KCNH7: variants seen among roughly 807,000 people sequenced by gnomAD.
KCNH7 encodes the protein potassium voltage-gated channel subfamily H member 7.
In KCNH7, 49 loss-of-function variants were observed where a neutral mutation model predicts 120.8. The ratio of observed to expected loss-of-function variants is 0.41; its 90% CI spans 0.32 to 0.51. The LOEUF (loss-of-function observed/expected upper bound fraction) is 0.51, where lower values mean the gene tolerates loss of function less well. KCNH7 is among the 20% of genes least tolerant of loss of function. KCNH7 has a pLI of 0.38. For missense variants in KCNH7, 1,097 were observed against 1,446.6 expected, an observed-to-expected ratio of 0.76 and a Z score of 3.92; for synonymous variants, 547 against 516.1, an observed-to-expected ratio of 1.06 and a Z score of -0.81.
chr2:162,821,887 C>A (rs1228011914), intron 2 of KCNH7, among the ~76,000 whole-genome samples: 1 of 151,766 alleles, frequency 6.6e-6, no homozygotes, highest in Non-Finnish European at 1.5e-5. Flanking sequence ...AATTGAGGAA[C>A]TTTTACTTTC....
chr2:162,525,966 G>A (rs1691690352), intron 3 of KCNH7, among the ~76,000 whole-genome samples: 1 of 151,876 alleles, frequency 6.6e-6, no homozygotes, highest in South Asian at 2.1e-4. Context: ...GGGAAATTCA[G>A]CCAGATATCG....
chr2:162,816,257 C>CA (rs10599191), intron 2 of KCNH7, among the ~76,000 whole-genome samples: 20 of 59,996 alleles, frequency 3.3e-4, no homozygotes, highest in African/African-American at 7.9e-4. Context: ...AACTCCATCT[C>CA]AAAAAAAAAA....
intron 2 of KCNH7, among the ~76,000 whole-genome samples, chr2:162,778,590 T>C (rs1016071135): frequency 2.0e-5 from 3 of 152,166 alleles, no homozygotes; most frequent in African/African-American, 4.8e-5. Context: ...TAGATAAGCA[T>C]TGAATGTTCT....
chr2:162,486,331 C>G (rs1690093892), intron 6 of KCNH7, among the ~76,000 whole-genome samples: 1 of 152,134 alleles, frequency 6.6e-6, no homozygotes, highest in African/African-American at 2.4e-5. Context: ...TAACTACAGT[C>G]CCTCCCAGCA....
chr2:162,495,769 A>G (rs1337419818), intron 6 of KCNH7, among the ~76,000 whole-genome samples: 1 of 152,164 alleles, frequency 6.6e-6, no homozygotes, highest in East Asian at 1.9e-4. Context: ...AGCTCAGAAG[A>G]AACAAAAGGG....
chr2:162,611,551 T>C (rs918836197), intron 2 of KCNH7, among the ~76,000 whole-genome samples: 1 of 152,190 alleles, frequency 6.6e-6, no homozygotes, highest in Non-Finnish European at 1.5e-5. Context: ...GAGGGATTAA[T>C]TGAAGCAACA....
At position 162,394,397 on chromosome 2, in the gene KCNH7, CCTT is replaced by C; in HGVS notation, c.2699_2701del (p.Glu900del). 1 of 1,549,848 alleles carries C rather than the reference CCTT, an allele frequency of 6.5e-7. No individual in the cohort carries two copies. Among genetic ancestry groups the C allele is most frequent in the Admixed American group, 1.7e-5 (1 of 59,576 alleles). On this transcript the variant is annotated inframe_deletion, in exon 12 of 16. Coordinates refer to ENST00000332142, the MANE Select transcript of KCNH7 (RefSeq NM_033272.4). ...GGAATGGAATGAATTACCTTTCTCT[CCTT>C]CACTTTCAAATGACAATTTCCTTCT...
chr2:162,445,430 G>A (rs1286653800), intron 7 of KCNH7, among the ~76,000 whole-genome samples: 1 of 152,034 alleles, frequency 6.6e-6, no homozygotes, highest in African/African-American at 2.4e-5. Flanking sequence ...TTGGATCAAA[G>A]AGTCTTTTGA....
rs563812636 is a variant in KCNH7, at chr2:162,481,604, G to A, written c.1128+22839C>T. On this transcript the variant is annotated intron_variant, in intron 6 of 15. Coordinates refer to ENST00000332142, the MANE Select transcript of KCNH7 (RefSeq NM_033272.4). ...TCAGTAAAAAAACGAGAGAGCAAGTGCAGAGTATATAAAAGGAGGAGAAGA... is the reference window on the plus strand; with the variant it reads ...TCAGTAAAAAAACGAGAGAGCAAGTACAGAGTATATAAAAGGAGGAGAAGA... 2.0e-5 allele frequency among the ~76,000 whole-genome samples: 3 copies of A among 152,180 alleles called. No homozygotes were observed. The East Asian group carries it at 5.8e-4, about 29-fold the overall frequency.
chr2:162,671,580 A>C (rs1006779099), intron 2 of KCNH7, among the ~76,000 whole-genome samples: 33 of 152,192 alleles, frequency 2.2e-4, no homozygotes, highest in African/African-American at 7.2e-4. Flanking sequence ...GAGGGGACTG[A>C]GGGATGACAT....
At chr2:162,499,403 G>A (rs773044583) in intron 6 of KCNH7, among the ~76,000 whole-genome samples, 1 of 152,070 alleles carries the variant, frequency 6.6e-6, no homozygotes, top group Non-Finnish European at 1.5e-5. Flanking sequence ...CCAAGGGCTT[G>A]CCTCCCTGAG....
At chr2:162,410,995 C>T (rs963560432) in intron 9 of KCNH7, among the ~76,000 whole-genome samples, 10 of 152,032 alleles carry the variant, frequency 6.6e-5, no homozygotes, top group East Asian at 3.9e-4. Flanking sequence ...TTGTACACTG[C>T]GGGTGGAAAA....
At chr2:162,552,970 C>T (rs1162047642) in intron 2 of KCNH7, among the ~76,000 whole-genome samples, 1 of 152,172 alleles carries the variant, frequency 6.6e-6, no homozygotes, top group African/African-American at 2.4e-5. Context: ...GACTTCTGAC[C>T]TACAGTACTA....
At chr2:162,707,906 T>A (rs964138605) in intron 2 of KCNH7, among the ~76,000 whole-genome samples, 12 of 152,090 alleles carry the variant, frequency 7.9e-5, no homozygotes, top group Admixed American at 3.3e-4. Flanking sequence ...CCATGAAGTC[T>A]GCTTCCTCAT....
intron 7 of KCNH7, among the ~76,000 whole-genome samples, chr2:162,440,195 T>C (rs1688377665): frequency 6.6e-6 from 1 of 151,954 alleles, no homozygotes; most frequent in African/African-American, 2.4e-5. Context: ...AGAAATTTAC[T>C]CTCTAAAACC....
chr2:162,755,075 C>T (rs188664063), intron 2 of KCNH7, among the ~76,000 whole-genome samples: 1 of 152,208 alleles, frequency 6.6e-6, no homozygotes, highest in East Asian at 1.9e-4. Context: ...TCTAGAACAA[C>T]AGCAACAAAA....
At chr2:162,792,762 GGTGTGTGTGTGTGTGTGTGT>G (rs59397474) in intron 2 of KCNH7, among the ~76,000 whole-genome samples, 6 of 124,938 alleles carry the variant, frequency 4.8e-5, no homozygotes, top group African/African-American at 1.6e-4. Context: ...TCTTTTGAAT[GGTGTGTGTGTGTGTGTGTGT>G]GTGTGTGTGT....
intron 2 of KCNH7, among the ~76,000 whole-genome samples, chr2:162,747,411 T>C (rs1422062640): frequency 1.3e-5 from 2 of 152,200 alleles, no homozygotes; most frequent in Non-Finnish European, 2.9e-5. Context: ...TATTTCCAAG[T>C]GTTTTCAGAA....
intron 2 of KCNH7, among the ~76,000 whole-genome samples, chr2:162,577,169 A>G (rs1379450820): frequency 6.6e-6 from 1 of 151,816 alleles, no homozygotes; most frequent in Non-Finnish European, 1.5e-5. Flanking sequence ...ATCCTCCTGC[A>G]TTGGCCTCTG....
Sources: allele counts gnomAD v4.1 joint callset (sites outside exome capture counted in the v4.1 genomes callset), GRCh38; gene constraint gnomAD v4.1.1; transcripts MANE v1.5; gene names NCBI Gene and HGNC (gene_info 2026-07-23, HGNC 2026-07-21).